The following KL variants were observed in gnomAD, a reference collection of about 807,000 sequenced individuals.
The protein encoded by KL is alpha-klotho.
KL carries 62 observed loss-of-function variants against 84.2 expected under a neutral mutation model. That is an observed-to-expected ratio of 0.74 (90% CI 0.60 to 0.91). The LOEUF (loss-of-function observed/expected upper bound fraction) is 0.91, where lower values mean the gene tolerates loss of function less well. KL is among the 40% of genes least tolerant of loss of function. The probability of loss-of-function intolerance (pLI) is 0.00; values close to 1 mark genes in which losing one functional copy is unlikely to be tolerated. For missense variants in KL, 1,261 were observed against 1,305.7 expected, an observed-to-expected ratio of 0.97 and a Z score of 0.53; for synonymous variants, 528 against 528.0, an observed-to-expected ratio of 1.00 and a Z score of 0.00.
chr13:33,056,892 G>T (rs9527032), intron 3 of KL, among the ~76,000 whole-genome samples: 3 of 151,944 alleles, frequency 2.0e-5, no homozygotes, highest in Non-Finnish European at 4.4e-5. Context: ...CTCCTGCTCG[G>T]TGTGCAATTT....
chr13:33,020,170 A>G (rs1183833169), intron 1 of KL, among the ~76,000 whole-genome samples: 3 of 152,228 alleles, frequency 2.0e-5, no homozygotes, highest in Admixed American at 6.5e-5. Context: ...GCTAGGAGAT[A>G]TTAATCTGGG....
At chr13:33,021,940 A>G (rs1870591027) in intron 1 of KL, among the ~76,000 whole-genome samples, 1 of 152,220 alleles carries the variant, frequency 6.6e-6, no homozygotes. Flanking sequence ...AAGTTAATAT[A>G]AATTTTAGAA....
chr13:33,036,805 TAA>T (rs747973402), intron 1 of KL, among the ~76,000 whole-genome samples: 7 of 152,158 alleles, frequency 4.6e-5, no homozygotes, highest in Non-Finnish European at 1.0e-4. Context: ...ACTTAAAAAT[TAA>T]AAGAGTAAAT....
At position 33,064,307 on chromosome 13, in the gene KL, A is replaced by AT. The variant is rs1013767065; in HGVS notation, c.*126dup. On this transcript the variant is annotated 3_prime_UTR_variant, in exon 5 of 5. Coordinates refer to ENST00000380099, the MANE Select transcript of KL (RefSeq NM_004795.4). ...TTCATACATTTGACTTCTAGAAAAC[A>AT]TTTTTGTGGCTTATGACAGAGGTTT... The AT allele has an allele frequency of 5.1e-6, 4 of 778,338 alleles. No homozygotes were observed. The highest frequency in any genetic ancestry group is 8.2e-6 in the Non-Finnish European group (4 of 488,140). The allele number at this position is 778,338 out of a possible 1,614,324, so 48.2% of individuals were successfully genotyped here. A position where few individuals can be genotyped will look rare whatever the true frequency, so the allele number is the denominator to read the frequency against.
chr13:33,031,894 G>A (rs1870985495), intron 1 of KL, among the ~76,000 whole-genome samples: 1 of 152,044 alleles, frequency 6.6e-6, no homozygotes, highest in Admixed American at 6.6e-5. Flanking sequence ...CATACCACTG[G>A]ATAATGCTTG....
intron 1 of KL, among the ~76,000 whole-genome samples, chr13:33,033,762 C>A (rs775738498): frequency 6.6e-6 from 1 of 151,854 alleles, no homozygotes; most frequent in Non-Finnish European, 1.5e-5. Flanking sequence ...CTGACTACTT[C>A]TGGGGGCCTC....
At position 33,016,578 on chromosome 13, in the gene KL, G is replaced by C; in HGVS notation, c.138G>C (p.Ser46=). The part of the protein sequence containing the change: ...GDGAQTWARF[S]RPPAPEAAGL... ...GCGCGCAGACCTGGGCCCGTTTCTC[G>C]CGGCCTCCTGCCCCCGAGGCCGCGG... The change falls in exon 1 of 5, where the codon TCG becomes TCC. Residue 46 remains serine (S), a synonymous_variant. Transcript: ENST00000380099. 1.3e-6 allele frequency: 2 copies of C among 1,482,472 alleles called. No individual in the cohort carries two copies. Among genetic ancestry groups the C allele is most frequent in the Middle Eastern group, 2.0e-4 (1 of 5,096 alleles). 91.8% of individuals were successfully genotyped at this position (1,482,472 alleles called of 1,614,324 possible).
chr13:33,027,369 C>A (rs1006894715), intron 1 of KL, among the ~76,000 whole-genome samples: 1 of 152,144 alleles, frequency 6.6e-6, no homozygotes, highest in East Asian at 1.9e-4. Flanking sequence ...CCTCTGTAAG[C>A]TCCAAATATT....
intron 3 of KL, among the ~76,000 whole-genome samples, chr13:33,056,125 T>A (rs1871948116): frequency 6.6e-6 from 1 of 152,180 alleles, no homozygotes; most frequent in African/African-American, 2.4e-5. Context: ...AAACAATGTA[T>A]GCACAAATGA....
At chr13:33,045,829 T>G (rs1028450475) in intron 1 of KL, among the ~76,000 whole-genome samples, 1 of 152,184 alleles carries the variant, frequency 6.6e-6, no homozygotes, top group Non-Finnish European at 1.5e-5. Flanking sequence ...TAGTCGTAGT[T>G]TTCTGAGTGT....
intron 1 of KL, among the ~76,000 whole-genome samples, chr13:33,037,219 A>G (rs566723637): frequency 4.6e-5 from 7 of 152,166 alleles, no homozygotes; most frequent in Non-Finnish European, 1.0e-4. Context: ...CTGTATTCTT[A>G]GCACTTATAT....
rs1428549480 is a variant in KL, at chr13:33,016,814, C to G, written c.374C>G (p.Ala125Gly). 1.9e-6 allele frequency: 3 copies of G among 1,612,694 alleles called. No homozygotes were observed. Among genetic ancestry groups the G allele is most frequent in the Non-Finnish European group, 2.5e-6 (3 of 1,179,792 alleles). Residue 125 changes from alanine to glycine, a missense_variant, in exon 1 of 5, where the codon GCC (alanine) becomes GGC (glycine). Transcript: ENST00000380099. ...SPLQPATGDVASDSYNNVFRD... is the reference protein window; with the variant it reads ...SPLQPATGDVGSDSYNNVFRD... ...CTGCAGCCCGCCACCGGGGACGTAG[C>G]CAGCGACAGCTACAACAACGTCTTC... is the stretch of plus-strand genomic sequence containing the variant.
chr13:33,027,463 A>G (rs1357627290), intron 1 of KL, among the ~76,000 whole-genome samples: 2 of 152,192 alleles, frequency 1.3e-5, no homozygotes, highest in Non-Finnish European at 2.9e-5. Flanking sequence ...AATCTCTGCA[A>G]GTCTATCAGG....
chr13:33,045,613 TG>T (rs1326360296), intron 1 of KL, among the ~76,000 whole-genome samples: 1 of 152,120 alleles, frequency 6.6e-6, no homozygotes, highest in East Asian at 1.9e-4. Flanking sequence ...CCAGAGTAGC[TG>T]GGATTACAGG....
At chr13:33,042,684 A>AT (rs762173602) in intron 1 of KL, among the ~76,000 whole-genome samples, 58 of 151,704 alleles carry the variant, frequency 3.8e-4, no homozygotes, top group Middle Eastern at 3.4e-3. Context: ...TACTATAAGC[A>AT]TTTTTTTTTA....
At chr13:33,048,608 G>T (rs563350362) in intron 1 of KL, among the ~76,000 whole-genome samples, 1 of 150,122 alleles carries the variant, frequency 6.7e-6, no homozygotes, top group Non-Finnish European at 1.5e-5. Context: ...TCTCCAGTAC[G>T]TTGACCTGCT....
chr13:33,020,259 C>A (rs1409250242), intron 1 of KL, among the ~76,000 whole-genome samples: 1 of 152,106 alleles, frequency 6.6e-6, no homozygotes, highest in Non-Finnish European at 1.5e-5. Flanking sequence ...ACTTCTTGTC[C>A]CTTGAATCCT....
intron 1 of KL, among the ~76,000 whole-genome samples, chr13:33,050,042 T>A (rs1399160954): frequency 6.6e-6 from 1 of 152,250 alleles, no homozygotes; most frequent in Non-Finnish European, 1.5e-5. Context: ...TGTTAATTGA[T>A]ATTCTTTTGC....
At chr13:33,046,002 T>C (rs2138221225) in intron 1 of KL, among the ~76,000 whole-genome samples, 1 of 152,340 alleles carries the variant, frequency 6.6e-6, no homozygotes, top group East Asian at 1.9e-4. Context: ...TACTAGTTGA[T>C]TGTGCTGTAT....
Sources: gnomAD v4.1 joint callset for allele counts (sites outside exome capture counted in the v4.1 genomes callset) on GRCh38, gnomAD v4.1.1 for gene constraint, MANE v1.5 for transcripts, NCBI Gene and HGNC (gene_info 2026-07-23, HGNC 2026-07-21) for gene names.